The following STXBP5L variants were observed in gnomAD, a reference collection of about 807,000 sequenced individuals.
The protein encoded by STXBP5L is syntaxin binding protein 5L.
Under a neutral mutation model 144.5 loss-of-function variants are expected in STXBP5L, and 65 were observed. The observed-to-expected ratio is 0.45, with a 90% CI of 0.37 to 0.55. The LOEUF (loss-of-function observed/expected upper bound fraction) is 0.55, where lower values mean the gene tolerates loss of function less well. Ranked by LOEUF, STXBP5L falls within the 20% of genes least tolerant of loss-of-function variation. The pLI, the probability that STXBP5L is intolerant of heterozygous loss-of-function variation, is 0.00. For synonymous variants in STXBP5L, 505 were observed against 469.6 expected, an observed-to-expected ratio of 1.08 and a Z score of -0.97; for missense variants, 1,298 against 1,405.5, an observed-to-expected ratio of 0.92 and a Z score of 1.22.
At chr3:121,400,611 A>T (rs2046848765) in intron 22 of STXBP5L, among the ~76,000 whole-genome samples, 1 of 152,194 alleles carries the variant, frequency 6.6e-6, no homozygotes, top group South Asian at 2.1e-4. Flanking sequence ...AAGTAACTGA[A>T]GTCATGTGGT....
At chr3:121,145,088 G>A (rs989397295) in intron 7 of STXBP5L, among the ~76,000 whole-genome samples, 1 of 151,764 alleles carries the variant, frequency 6.6e-6, no homozygotes, top group Non-Finnish European at 1.5e-5. Flanking sequence ...GAAATCTGCT[G>A]TGCAACATTG....
chr3:120,940,637 G>A (rs558653399), intron 2 of STXBP5L, among the ~76,000 whole-genome samples: 4 of 145,824 alleles, frequency 2.7e-5, no homozygotes, highest in Non-Finnish European at 3.0e-5. Context: ...CCTAGGGGTG[G>A]AAAAAAAAAA....
chr3:121,133,237 C>A (rs1046042639), intron 7 of STXBP5L, among the ~76,000 whole-genome samples: 1 of 152,034 alleles, frequency 6.6e-6, no homozygotes, highest in Non-Finnish European at 1.5e-5. Context: ...TGATTGAAAG[C>A]CTCTCAAATC....
At chr3:121,344,312 GCATTAC>G (rs2044859872) in intron 20 of STXBP5L, among the ~76,000 whole-genome samples, 1 of 152,030 alleles carries the variant, frequency 6.6e-6, no homozygotes, top group South Asian at 2.1e-4. Flanking sequence ...GAAAACCTAG[GCATTAC>G]CATTCAGGAC....
chr3:121,254,983 A>G lies in STXBP5L; in HGVS notation c.1530A>G (p.Val510=), dbSNP rs2050159828. 1 of 1,613,644 alleles carries G rather than the reference A, an allele frequency of 6.2e-7. No individual in the cohort carries two copies. The highest frequency in any genetic ancestry group is 8.5e-7 in the Non-Finnish European group (1 of 1,179,706). ...AAGGAAAACAAACATGTGAAATTGT[A>G]GAGGAAGACCCATTTGCCATTCAGA... ...VGEGKQTCEI[V]EEDPFAIQMI... The change falls in exon 16 of 27, where the codon GTA becomes GTG. Residue 510 remains valine (V), a synonymous_variant. Coordinates refer to ENST00000471454, the MANE Select transcript of STXBP5L (RefSeq NM_001308330.2).
chr3:121,362,398 G>A (rs1249641196), intron 20 of STXBP5L, among the ~76,000 whole-genome samples: 1 of 152,204 alleles, frequency 6.6e-6, no homozygotes, highest in Non-Finnish European at 1.5e-5. Flanking sequence ...TAGGTCCTGG[G>A]TAGGTCCAGA....
At chr3:121,030,142 C>A (rs1433234382) in intron 3 of STXBP5L, among the ~76,000 whole-genome samples, 1 of 152,072 alleles carries the variant, frequency 6.6e-6, no homozygotes, top group Non-Finnish European at 1.5e-5. Context: ...GATCTAGAAC[C>A]AGAAATACTA....
chr3:121,023,104 C>T (rs1213364964), intron 3 of STXBP5L, among the ~76,000 whole-genome samples: 1 of 151,846 alleles, frequency 6.6e-6, no homozygotes, highest in Non-Finnish European at 1.5e-5. Context: ...TATACACCAA[C>T]AGTTACCAAG....
chr3:121,190,529 C>T (rs189744318), intron 9 of STXBP5L, among the ~76,000 whole-genome samples: 117 of 152,330 alleles, frequency 7.7e-4, no homozygotes, highest in Middle Eastern at 6.8e-3. Flanking sequence ...TCGACAAAAC[C>T]GCCATCGTCA....
intron 3 of STXBP5L, among the ~76,000 whole-genome samples, chr3:121,014,607 C>A (rs540332896): frequency 7.2e-5 from 11 of 151,934 alleles, no homozygotes; most frequent in African/African-American, 2.7e-4. Flanking sequence ...GAATACCAAA[C>A]ATTAGGTGTC....
chr3:121,098,159 G>A (rs2043226044), intron 5 of STXBP5L, among the ~76,000 whole-genome samples: 2 of 152,274 alleles, frequency 1.3e-5, no homozygotes, highest in Non-Finnish European at 1.5e-5. Flanking sequence ...TTTAGAGTTG[G>A]TTTGAAAATT....
intron 9 of STXBP5L, among the ~76,000 whole-genome samples, chr3:121,191,867 G>A (rs538179919): frequency 6.2e-4 from 89 of 144,132 alleles, no homozygotes; most frequent in Middle Eastern, 3.4e-3. Context: ...AACACAGCAC[G>A]TTCTCACTCA....
intron 20 of STXBP5L, among the ~76,000 whole-genome samples, chr3:121,326,998 G>A (rs1434363398): frequency 6.7e-6 from 1 of 150,212 alleles, no homozygotes; most frequent in Admixed American, 6.6e-5. Context: ...TCCCATTAAA[G>A]TAGTAGCCAT....
chr3:121,296,545 G>T (rs953895342), intron 19 of STXBP5L, among the ~76,000 whole-genome samples: 4 of 152,090 alleles, frequency 2.6e-5, no homozygotes, highest in African/African-American at 7.2e-5. Flanking sequence ...TTTCTATGGG[G>T]CTATGGAAGA....
At chr3:121,169,232 A>G (rs1450744121) in intron 9 of STXBP5L, among the ~76,000 whole-genome samples, 1 of 152,220 alleles carries the variant, frequency 6.6e-6, no homozygotes, top group African/African-American at 2.4e-5. Context: ...CCACTGCAAA[A>G]ACATACCAAA....
Position 120,973,406 on chromosome 3 carries a change from G to A in STXBP5L, c.287+18369G>A, listed in dbSNP as rs138177537. On this transcript the variant is annotated intron_variant, in intron 3 of 26. Coordinates refer to ENST00000471454, the MANE Select transcript of STXBP5L (RefSeq NM_001308330.2). ...TGATTTTTTTTTGCATTTCTATAAT[G>A]TCAGTTGTAATGTCAGAAATTGCCA... 2.0e-3 allele frequency among the ~76,000 whole-genome samples: 306 copies of A among 151,898 alleles called. 2 individuals carry two copies. The highest frequency in any genetic ancestry group is 6.8e-3 in the African/African-American group (282 of 41,424).
At position 120,957,305 on chromosome 3, in the gene STXBP5L, T is replaced by C. The variant is rs574406247; in HGVS notation, c.287+2268T>C. ...ACTTATTGAAATGATCGGATAGTTT[T>C]TGTTATTGATTATGTTACTGTGATA... On this transcript the variant is annotated intron_variant, in intron 3 of 26. Coordinates refer to ENST00000471454, the MANE Select transcript of STXBP5L (RefSeq NM_001308330.2). 2.6e-5 allele frequency among the ~76,000 whole-genome samples: 4 copies of C among 152,186 alleles called. No individual in the cohort carries two copies. The East Asian group carries it at 7.7e-4, about 29-fold the overall frequency.
At chr3:120,957,832 C>T (rs1265614583) in intron 3 of STXBP5L, among the ~76,000 whole-genome samples, 1 of 152,036 alleles carries the variant, frequency 6.6e-6, no homozygotes, top group Non-Finnish European at 1.5e-5. Flanking sequence ...GATGCCTTAA[C>T]ATCACAATTA....
At chr3:121,011,786 A>G (rs1944792914) in intron 3 of STXBP5L, among the ~76,000 whole-genome samples, 1 of 151,716 alleles carries the variant, frequency 6.6e-6, no homozygotes, top group African/African-American at 2.4e-5. Flanking sequence ...TTGTTGTTAA[A>G]CTTTTTAAGC....
Sources: allele counts gnomAD v4.1 joint callset (sites outside exome capture counted in the v4.1 genomes callset), GRCh38; gene constraint gnomAD v4.1.1; transcripts MANE v1.5; gene names NCBI Gene and HGNC (gene_info 2026-07-23, HGNC 2026-07-21).